Variants in PLD5 observed in about 807,000 individuals in gnomAD.
PLD5 encodes phospholipase D family member 5.
In PLD5, 36 loss-of-function variants were observed where a neutral mutation model predicts 61.1. That is an observed-to-expected ratio of 0.59 (90% CI 0.45 to 0.78). The LOEUF is 0.78. PLD5 is among the 30% of genes least tolerant of loss of function. The probability of loss-of-function intolerance (pLI) is 0.00; values close to 1 mark genes in which losing one functional copy is unlikely to be tolerated. For synonymous variants in PLD5, 243 were observed against 242.8 expected (o/e 1.00, Z -0.01); for missense variants, 515 against 644.4 (o/e 0.80, Z 2.17).
chr1:242,476,765 A>G (rs777378062), intron 1 of PLD5, among the ~76,000 whole-genome samples: 1 of 152,106 alleles, frequency 6.6e-6, no homozygotes, highest in African/African-American at 2.4e-5. Flanking sequence ...CTCCCACCCC[A>G]GGTTTATTTT....
At chr1:242,501,728 A>G (rs1668560133) in intron 1 of PLD5, among the ~76,000 whole-genome samples, 1 of 151,762 alleles carries the variant, frequency 6.6e-6, no homozygotes, top group Admixed American at 6.6e-5. Flanking sequence ...AAATAGATTT[A>G]AAAGACATAC....
intron 1 of PLD5, among the ~76,000 whole-genome samples, chr1:242,348,561 A>C (rs1660272667): frequency 6.6e-6 from 1 of 152,138 alleles, no homozygotes; most frequent in Admixed American, 6.5e-5. Flanking sequence ...CTATTGTTTC[A>C]AATTAAAAAT....
At chr1:242,189,194 C>G (rs191052858) in intron 5 of PLD5, among the ~76,000 whole-genome samples, 1 of 152,284 alleles carries the variant, frequency 6.6e-6, no homozygotes, top group East Asian at 1.9e-4. Flanking sequence ...CGCCTGTAAT[C>G]CCAGCACTTT....
At chr1:242,403,579 C>T (rs537879818) in intron 1 of PLD5, among the ~76,000 whole-genome samples, 24 of 152,088 alleles carry the variant, frequency 1.6e-4, no homozygotes, top group Non-Finnish European at 2.8e-4. Flanking sequence ...ATTCTCCTGC[C>T]TCAGCCTCCC....
intron 1 of PLD5, among the ~76,000 whole-genome samples, chr1:242,480,793 A>G (rs920335183): frequency 1.3e-5 from 2 of 152,188 alleles, no homozygotes; most frequent in African/African-American, 4.8e-5. Flanking sequence ...AAAAACCACA[A>G]TGAGCTGCAA....
At chr1:242,526,997 A>G (rs1669460632), upstream of PLD5, among the ~76,000 whole-genome samples, 1 of 152,210 alleles carries the variant, frequency 6.6e-6, no homozygotes, top group Non-Finnish European at 1.5e-5. Context: ...CTACCATAGA[A>G]GAATTTAAAC....
intron 7 of PLD5, among the ~76,000 whole-genome samples, chr1:242,108,868 C>CT (rs748472502): frequency 2.6e-5 from 4 of 152,192 alleles, no homozygotes; most frequent in Non-Finnish European, 5.9e-5. Context: ...CACATGCAGG[C>CT]TGCAGATTCA....
At position 242,181,856 on chromosome 1, in the gene PLD5, C is replaced by T. The variant is rs150312977; in HGVS notation, c.735+38132G>A. On this transcript the variant is annotated intron_variant, in intron 5 of 9. Transcript: ENST00000536534. ...TGGGGTTTCACCATGTTGGCCAGGA[C>T]GGTCTCGATCTCTTGACCTCATGAT... 2.9e-3 allele frequency among the ~76,000 whole-genome samples: 447 copies of T among 152,042 alleles called. 1 individual carries two copies. The highest frequency in any genetic ancestry group is 4.7e-3 in the Non-Finnish European group (317 of 67,968).
rs1221888402 is a variant in PLD5 at position 242,215,285 on chromosome 1, T to C, written c.735+4703A>G. On this transcript the variant is annotated intron_variant, in intron 5 of 9. Transcript: ENST00000536534. ...TGCCAATTCACAATTCCAACAATTT[T>C]GTCACATGTGGAATATCCAACATTC... is the stretch of plus-strand genomic sequence containing the variant. 2.0e-5 allele frequency among the ~76,000 whole-genome samples: 3 copies of C among 152,036 alleles called. No individual in the cohort carries two copies. In the East Asian group the frequency reaches 5.8e-4, roughly 29 times the overall value.
chr1:242,433,258 G>A (rs7532419), intron 1 of PLD5, among the ~76,000 whole-genome samples: 8,400 of 152,176 alleles, frequency 0.055, 758 homozygotes, highest in African/African-American at 0.19. Flanking sequence ...GGGGGAAGAT[G>A]TTCCATGCAC....
intron 5 of PLD5, among the ~76,000 whole-genome samples, chr1:242,186,939 G>GAT (rs1312268208): frequency 1.3e-5 from 2 of 152,198 alleles, no homozygotes; most frequent in African/African-American, 4.8e-5. Flanking sequence ...TTCATCGTGA[G>GAT]ATAGGTAGCT....
intron 5 of PLD5, among the ~76,000 whole-genome samples, chr1:242,138,390 C>G (rs1663908144): frequency 6.6e-6 from 1 of 151,354 alleles, no homozygotes. Context: ...GAAATAGCAC[C>G]AACATTCTGT....
intron 3 of PLD5, among the ~76,000 whole-genome samples, chr1:242,288,072 A>C (rs1847099): frequency 1.3e-5 from 2 of 152,156 alleles, no homozygotes; most frequent in Admixed American, 6.5e-5. Flanking sequence ...AGAGATTATC[A>C]TGTAAATAGC....
At chr1:242,523,337 TAGA>T (rs1669338026) in intron 1 of PLD5, among the ~76,000 whole-genome samples, 1 of 151,202 alleles carries the variant, frequency 6.6e-6, no homozygotes, top group African/African-American at 2.5e-5. Context: ...AACGCCTTTT[TAGA>T]AGGTTTTTTT....
chr1:242,097,597 GT>G (rs935172253), intron 9 of PLD5, among the ~76,000 whole-genome samples: 1 of 152,130 alleles, frequency 6.6e-6, no homozygotes, highest in Non-Finnish European at 1.5e-5. Context: ...TGATGGGGTT[GT>G]TTTTTTCTCG....
Position 242,269,889 on chromosome 1 carries a change from T to C in PLD5, c.496-4441A>G, listed in dbSNP as rs71496788. 4.6e-3 allele frequency among the ~76,000 whole-genome samples: 706 copies of C among 152,202 alleles called. 11 individuals are homozygous for C. The highest frequency in any genetic ancestry group is 0.016 in the African/African-American group (681 of 41,528). On this transcript the variant is annotated intron_variant, in intron 3 of 9. Coordinates refer to ENST00000536534, the MANE Select transcript of PLD5 (RefSeq NM_001372062.1). Reference sequence around the variant, plus strand: ...TGCACTGCCGGTTCTCAATTCCCCATAGGTCAAAATAATCCATATGCCAAA... The same window carrying C: ...TGCACTGCCGGTTCTCAATTCCCCACAGGTCAAAATAATCCATATGCCAAA...
intron 5 of PLD5, among the ~76,000 whole-genome samples, chr1:242,196,528 T>TAC (rs959915748): frequency 3.3e-5 from 5 of 151,976 alleles, no homozygotes; most frequent in African/African-American, 4.8e-5. Context: ...CATGGTGTCT[T>TAC]ACACACACAC....
intron 1 of PLD5, among the ~76,000 whole-genome samples, chr1:242,512,518 A>G (rs2809995): frequency 0.7 from 106,335 of 152,066 alleles, 38,420 homozygotes; most frequent in African/African-American, 0.88. Context: ...AGCAGGGCAG[A>G]AGCTAAATAA....
intron 2 of PLD5, among the ~76,000 whole-genome samples, chr1:242,304,580 T>C (rs1477549203): frequency 1.3e-5 from 2 of 152,236 alleles, no homozygotes; most frequent in African/African-American, 4.8e-5. Context: ...CGTAAGCCTA[T>C]GCAGGAATAT....
Sources: gnomAD v4.1 joint callset for allele counts (sites outside exome capture counted in the v4.1 genomes callset) on GRCh38, gnomAD v4.1.1 for gene constraint, MANE v1.5 for transcripts, NCBI Gene and HGNC (gene_info 2026-07-23, HGNC 2026-07-21) for gene names.